GRM5: variants seen among roughly 807,000 people sequenced by gnomAD.
The protein encoded by GRM5 is glutamate metabotropic receptor 5, also known as metabotropic glutamate receptor 5.
GRM5 carries 19 observed loss-of-function variants against 83.1 expected under a neutral mutation model. That is an observed-to-expected ratio of 0.23 (90% confidence interval 0.16 to 0.34). The LOEUF (loss-of-function observed/expected upper bound fraction) is 0.34, where lower values mean the gene tolerates loss of function less well. Ranked by LOEUF, GRM5 falls within the 10% of genes least tolerant of loss-of-function variation. The pLI is 1.00. For synonymous variants in GRM5, 675 were observed against 633.6 expected (o/e 1.07, Z -0.98); for missense variants, 1,160 against 1,588.3 (o/e 0.73, Z 4.58).
Position 88,981,434 on chromosome 11 carries a change from T to C in GRM5, c.661+65778A>G, listed in dbSNP as rs142819665. 4.3e-3 allele frequency among the ~76,000 whole-genome samples: 661 copies of C among 152,278 alleles called. 5 individuals carry two copies. The highest frequency in any genetic ancestry group is 0.015 in the African/African-American group (637 of 41,572). ...ATCAGTATAAAGTTAAATTTTTAAA[T>C]GGCAAAAATTTCACATGGAAGCTTA... On this transcript the variant is annotated intron_variant, in intron 2 of 9. Coordinates refer to ENST00000305447, the MANE Select transcript of GRM5 (RefSeq NM_001143831.3).
intron 8 of GRM5, among the ~76,000 whole-genome samples, chr11:88,561,037 T>C (rs193163832): frequency 1.4e-4 from 21 of 152,116 alleles, no homozygotes; most frequent in African/African-American, 4.6e-4. Context: ...TCTGGAGAGA[T>C]AGAAGGAAAA....
chr11:88,847,781 T>A (rs1944324371), intron 3 of GRM5, among the ~76,000 whole-genome samples: 1 of 152,216 alleles, frequency 6.6e-6, no homozygotes, highest in African/African-American at 2.4e-5. Flanking sequence ...TAGTATTCCA[T>A]GAATTAAATG....
intron 3 of GRM5, among the ~76,000 whole-genome samples, chr11:88,839,423 T>A: frequency 6.6e-6 from 1 of 152,152 alleles, no homozygotes; most frequent in East Asian, 1.9e-4. Context: ...TTAGGAAATA[T>A]TGACATAAGA....
chr11:88,786,074 A>G (rs1009184559), intron 3 of GRM5, among the ~76,000 whole-genome samples: 8 of 152,128 alleles, frequency 5.3e-5, no homozygotes, highest in African/African-American at 1.9e-4. Context: ...GATATCAAAT[A>G]TTTGTCATAC....
At chr11:88,532,241 G>C (rs1942029200) in intron 8 of GRM5, among the ~76,000 whole-genome samples, 1 of 152,008 alleles carries the variant, frequency 6.6e-6, no homozygotes, top group South Asian at 2.1e-4. Flanking sequence ...AACCAATATA[G>C]ATGCATCCCA....
chr11:88,834,217 A>T (rs1196509262), intron 3 of GRM5, among the ~76,000 whole-genome samples: 1 of 152,198 alleles, frequency 6.6e-6, no homozygotes, highest in African/African-American at 2.4e-5. Flanking sequence ...TGTAAAAAAA[A>T]ATCATGTGTA....
chr11:88,727,661 A>G (rs1941713388), intron 3 of GRM5, among the ~76,000 whole-genome samples: 1 of 152,220 alleles, frequency 6.6e-6, no homozygotes, highest in African/African-American at 2.4e-5. Context: ...AGCAAATGCA[A>G]AAGAATGGAA....
intron 3 of GRM5, among the ~76,000 whole-genome samples, chr11:88,779,820 C>T (rs778397454): frequency 1.3e-5 from 2 of 152,182 alleles, no homozygotes; most frequent in African/African-American, 4.8e-5. Flanking sequence ...TTGCTAAGGT[C>T]GGTGAATTCC....
chr11:88,711,795 AAG>A (rs1941287158), intron 3 of GRM5, among the ~76,000 whole-genome samples: 1 of 70,594 alleles, frequency 1.4e-5, no homozygotes, highest in Admixed American at 1.7e-4. Context: ...TAAGGAACAA[AAG>A]TTTAGAGACT....
chr11:88,834,196 C>T (rs571802978), intron 3 of GRM5, among the ~76,000 whole-genome samples: 2 of 152,176 alleles, frequency 1.3e-5, no homozygotes, highest in South Asian at 2.1e-4. Context: ...ATGATCATTA[C>T]TCATTCTGAC....
intron 9 of GRM5, among the ~76,000 whole-genome samples, chr11:88,524,781 C>G (rs977872658): frequency 2.0e-5 from 3 of 152,186 alleles, no homozygotes; most frequent in Non-Finnish European, 4.4e-5. Context: ...CCACTTGTCT[C>G]TACAGTCCAC....
intron 9 of GRM5, among the ~76,000 whole-genome samples, chr11:88,513,089 C>A (rs1054085510): frequency 1.3e-5 from 2 of 152,242 alleles, no homozygotes; most frequent in South Asian, 2.1e-4. Context: ...TTAACTGTAT[C>A]CTCTTTTTTT....
chr11:89,061,679 C>A (rs1941996187), intron 1 of GRM5, among the ~76,000 whole-genome samples: 1 of 152,118 alleles, frequency 6.6e-6, no homozygotes, highest in Non-Finnish European at 1.5e-5. Context: ...GTCATCATGT[C>A]CATAAGGTAT....
At chr11:88,772,785 T>G (rs1942768064) in intron 3 of GRM5, among the ~76,000 whole-genome samples, 1 of 152,174 alleles carries the variant, frequency 6.6e-6, no homozygotes, top group African/African-American at 2.4e-5. Context: ...GAACTCATCC[T>G]TTTTTATGGC....
At chr11:88,673,676 C>T (rs1050834190) in intron 3 of GRM5, among the ~76,000 whole-genome samples, 2 of 151,320 alleles carry the variant, frequency 1.3e-5, no homozygotes, top group African/African-American at 4.9e-5. Flanking sequence ...TTGTATTGCC[C>T]CCAAATGGTT....
At chr11:88,761,532 A>C (rs931003470) in intron 3 of GRM5, among the ~76,000 whole-genome samples, 1 of 152,084 alleles carries the variant, frequency 6.6e-6, no homozygotes, top group African/African-American at 2.4e-5. Context: ...ATTACAAAAC[A>C]CTGCTCAAAG....
At chr11:89,065,263 C>A (rs1453146469) in intron 1 of GRM5, among the ~76,000 whole-genome samples, 1 of 150,166 alleles carries the variant, frequency 6.7e-6, no homozygotes, top group Non-Finnish European at 1.5e-5. Flanking sequence ...TAAATCCTTG[C>A]CTTTCGTGCA....
rs1439290835 is a variant in GRM5, at chr11:88,734,445, T to C, written c.912-81042A>G. Reference sequence around the variant, plus strand: ...CCATATAATACAACAATCCTACTTCTGGATATATATCTAAAAGCATTGTAA... The same window carrying C: ...CCATATAATACAACAATCCTACTTCCGGATATATATCTAAAAGCATTGTAA... On this transcript the variant is annotated intron_variant, in intron 3 of 9. Transcript: ENST00000305447. Among the ~76,000 whole-genome samples the C allele has an allele frequency of 2.0e-5, 3 of 152,150 alleles. No homozygotes were observed. The East Asian group carries it at 5.8e-4, about 30-fold the overall frequency.
intron 3 of GRM5, among the ~76,000 whole-genome samples, chr11:88,761,050 A>G (rs1942503530): frequency 6.6e-6 from 1 of 150,510 alleles, no homozygotes; most frequent in Non-Finnish European, 1.5e-5. Flanking sequence ...TTGAAGGAAC[A>G]TAAAACAATA....
Sources: gnomAD v4.1 joint callset for allele counts (sites outside exome capture counted in the v4.1 genomes callset) on GRCh38, gnomAD v4.1.1 for gene constraint, MANE v1.5 for transcripts, NCBI Gene and HGNC (gene_info 2026-07-23, HGNC 2026-07-21) for gene names.